The following HS6ST3 variants were observed in gnomAD, a reference collection of about 807,000 sequenced individuals.
HS6ST3 encodes the protein heparan sulfate 6-O-sulfotransferase 3, also known as heparan-sulfate 6-O-sulfotransferase 3.
Under a neutral mutation model 36.7 loss-of-function variants are expected in HS6ST3, and 12 were observed. The observed-to-expected ratio is 0.33, with a 90% CI of 0.21 to 0.53. The LOEUF (loss-of-function observed/expected upper bound fraction) is 0.53. HS6ST3 is among the 20% of genes least tolerant of loss of function. HS6ST3 has a pLI of 0.95. For synonymous variants in HS6ST3, 240 were observed against 257.5 expected (o/e 0.93, Z 0.65); for missense variants, 584 against 640.9 (o/e 0.91, Z 0.96).
intron 1 of HS6ST3, among the ~76,000 whole-genome samples, chr13:96,827,999 T>A (rs1878684776): frequency 6.6e-6 from 1 of 152,228 alleles, no homozygotes; most frequent in African/African-American, 2.4e-5. Flanking sequence ...AACTTTATCA[T>A]CAGTACTTCC....
In HS6ST3 at chr13:96,091,221, T is replaced by C. The variant is rs1278564509; in HGVS notation, c.359T>C (p.Leu120Pro). 8.9e-6 allele frequency: 14 copies of C among 1,577,510 alleles called. No homozygotes were observed. Among genetic ancestry groups the C allele is most frequent in the Non-Finnish European group, 1.1e-5 (13 of 1,161,254 alleles). Residue 120 changes from leucine (L) to proline (P), a missense_variant, in exon 1 of 2, where the codon CTG (leucine) becomes CCG (proline). This residue lies in a region of HS6ST3 where 217 missense variants were observed against 205.4 expected (regional missense o/e 1.06). Coordinates refer to ENST00000376705, the MANE Select transcript of HS6ST3 (RefSeq NM_153456.4). ...CCCGAGGCCCCGGAAAACGGCTCCCTGCCCCGATTCGTGCCGCGCTTCAAC... is the reference window on the plus strand; with the variant it reads ...CCCGAGGCCCCGGAAAACGGCTCCCCGCCCCGATTCGTGCCGCGCTTCAAC... ...PDPEAPENGS[L>P]PRFVPRFNFS...
chr13:96,614,215 G>A (rs989803538), intron 1 of HS6ST3, among the ~76,000 whole-genome samples: 3 of 145,380 alleles, frequency 2.1e-5, no homozygotes, highest in Admixed American at 7.2e-5. Context: ...GGAGAATGGC[G>A]AGAACCCGGG....
chr13:96,263,446 T>G (rs1326787328), intron 1 of HS6ST3, among the ~76,000 whole-genome samples: 2 of 152,166 alleles, frequency 1.3e-5, no homozygotes, highest in African/African-American at 2.4e-5. Context: ...GCACCCACAT[T>G]AATATAAGAA....
intron 1 of HS6ST3, among the ~76,000 whole-genome samples, chr13:96,694,091 T>A (rs1317157135): frequency 1.3e-5 from 2 of 152,066 alleles, no homozygotes; most frequent in African/African-American, 4.8e-5. Context: ...CCATGGGGGT[T>A]TTCTGCCCAG....
chr13:96,219,786 C>T (rs976392265), intron 1 of HS6ST3, among the ~76,000 whole-genome samples: 10 of 152,092 alleles, frequency 6.6e-5, no homozygotes, highest in South Asian at 2.1e-4. Context: ...GGGGTTCAAG[C>T]GAGTCTCCTG....
At chr13:96,723,038 G>C (rs1875891955) in intron 1 of HS6ST3, among the ~76,000 whole-genome samples, 1 of 150,414 alleles carries the variant, frequency 6.6e-6, no homozygotes, top group South Asian at 2.1e-4. Context: ...AGATACAACA[G>C]TGCTTAGCCT....
chr13:96,464,987 T>TGTGTGTGC (rs1555306470), intron 1 of HS6ST3, among the ~76,000 whole-genome samples: 1 of 149,370 alleles, frequency 6.7e-6, no homozygotes, highest in African/African-American at 2.5e-5. Context: ...TGTGTGTGTG[T>TGTGTGTGC]GCATGCCCAC....
At chr13:96,535,228 G>A (rs1254780747) in intron 1 of HS6ST3, among the ~76,000 whole-genome samples, 2 of 152,026 alleles carry the variant, frequency 1.3e-5, no homozygotes, top group East Asian at 3.9e-4. Flanking sequence ...GGGATTCGTA[G>A]AAGATTATTC....
chr13:96,731,542 G>A (rs1279048572), intron 1 of HS6ST3, among the ~76,000 whole-genome samples: 1 of 152,094 alleles, frequency 6.6e-6, no homozygotes, highest in Non-Finnish European at 1.5e-5. Flanking sequence ...GAATAGTGCT[G>A]CAGTAAACAT....
intron 1 of HS6ST3, among the ~76,000 whole-genome samples, chr13:96,817,169 CTGTT>C (rs1435994600): frequency 6.6e-6 from 1 of 151,688 alleles, no homozygotes; most frequent in African/African-American, 2.4e-5. Flanking sequence ...CCCTCCATGG[CTGTT>C]TGGGGGGTGC....
intron 1 of HS6ST3, among the ~76,000 whole-genome samples, chr13:96,165,337 C>A (rs559403685): frequency 6.4e-4 from 97 of 152,276 alleles, no homozygotes; most frequent in Non-Finnish European, 1.1e-3. Flanking sequence ...CCCCTGTATT[C>A]TCTCTGGGGG....
intron 1 of HS6ST3, among the ~76,000 whole-genome samples, chr13:96,716,097 A>C (rs1424416134): frequency 1.3e-5 from 2 of 152,132 alleles, no homozygotes; most frequent in Admixed American, 1.3e-4. Flanking sequence ...CAAGCAGCAA[A>C]TTATAGTTTT....
intron 1 of HS6ST3, among the ~76,000 whole-genome samples, chr13:96,474,692 C>G (rs575114497): frequency 6.6e-6 from 1 of 152,266 alleles, no homozygotes; most frequent in South Asian, 2.1e-4. Context: ...GAAGAGAAAT[C>G]AGAAGCCCAG....
intron 1 of HS6ST3, among the ~76,000 whole-genome samples, chr13:96,406,596 T>C (rs530599415): frequency 4.9e-4 from 74 of 152,350 alleles, no homozygotes; most frequent in African/African-American, 1.5e-3. Context: ...AATTGCGCTA[T>C]ATTTATTCTC....
chr13:96,817,982 G>C (rs1878457554), intron 1 of HS6ST3, among the ~76,000 whole-genome samples: 1 of 152,164 alleles, frequency 6.6e-6, no homozygotes, highest in Admixed American at 6.6e-5. Flanking sequence ...AAGTCTTAAA[G>C]ATTATTTTAT....
chr13:96,587,347 A>T (rs1013642899), intron 1 of HS6ST3, among the ~76,000 whole-genome samples: 1 of 151,588 alleles, frequency 6.6e-6, no homozygotes, highest in Non-Finnish European at 1.5e-5. Flanking sequence ...AATGGCATTG[A>T]TATTTTGATA....
chr13:96,716,911 A>G (rs1215339846), intron 1 of HS6ST3, among the ~76,000 whole-genome samples: 1 of 152,252 alleles, frequency 6.6e-6, no homozygotes, highest in Non-Finnish European at 1.5e-5. Context: ...AAGATCAAGC[A>G]TGAGCTAGGA....
intron 1 of HS6ST3, among the ~76,000 whole-genome samples, chr13:96,158,543 C>T (rs1212916609): frequency 6.7e-6 from 1 of 148,302 alleles, no homozygotes; most frequent in African/African-American, 2.5e-5. Flanking sequence ...GTCCCAGCTA[C>T]TCGGGAGGCT....
rs971816501 is a variant in HS6ST3, at chr13:96,613,047, C to T, written c.708-219443C>T. On this transcript the variant is annotated intron_variant, in intron 1 of 1. Coordinates refer to ENST00000376705, the MANE Select transcript of HS6ST3 (RefSeq NM_153456.4). ...GATTCAGGTCTCTGCTCAAAAGTCC[C>T]TTTATCAGAGAGACCACCTTAAGTA... Among the ~76,000 whole-genome samples, 5 of 152,158 alleles carry T rather than the reference C, an allele frequency of 3.3e-5. No individual in the cohort carries two copies. In the East Asian group the frequency reaches 7.7e-4, roughly 23 times the overall value.
Sources: allele counts gnomAD v4.1 joint callset (sites outside exome capture counted in the v4.1 genomes callset), GRCh38; gene constraint gnomAD v4.1.1; regional missense constraint gnomAD v4.1.1; transcripts MANE v1.5; gene names NCBI Gene and HGNC (gene_info 2026-07-23, HGNC 2026-07-21).